The following POPDC3 variants were observed in gnomAD, a reference collection of about 807,000 sequenced individuals.
POPDC3 encodes the protein popeye domain-containing protein 3.
POPDC3 carries 20 observed loss-of-function variants against 28.2 expected under a neutral mutation model. The ratio of observed to expected loss-of-function variants is 0.71; its 90% CI spans 0.50 to 1.03. POPDC3 has a LOEUF of 1.03. Ranked by LOEUF, POPDC3 falls within the 50% of genes least tolerant of loss-of-function variation. The probability of loss-of-function intolerance (pLI) is 0.00; values close to 1 mark genes in which losing one functional copy is unlikely to be tolerated. For missense variants in POPDC3, 316 were observed against 345.9 expected, an observed-to-expected ratio of 0.91 and a Z score of 0.69; for synonymous variants, 118 against 124.1, an observed-to-expected ratio of 0.95 and a Z score of 0.33.
chr6:105,159,633 G>T, intron 3 of POPDC3, 78 bp downstream of exon 3: 1 of 801,836 alleles, frequency 1.2e-6, no homozygotes. Flanking sequence ...ATCCACTGTT[G>T]TTTATTTGTT....
chr6:105,176,402 C>CA (rs1316504093), intron 1 of POPDC3, among the ~76,000 whole-genome samples: 1 of 152,168 alleles, frequency 6.6e-6, no homozygotes, highest in Non-Finnish European at 1.5e-5. Flanking sequence ...CTGGCTATTA[C>CA]AAAAAATACA....
At position 105,179,418 on chromosome 6, in the gene POPDC3, T is replaced by G. The variant is rs187157989; in HGVS notation, c.-252+415A>C. ...CTGACAAGGGCCCCTAGGAACGGCTTTTCTCCCTTGCAAAACTGGCCTGTT... is the reference window on the plus strand; with the variant it reads ...CTGACAAGGGCCCCTAGGAACGGCTGTTCTCCCTTGCAAAACTGGCCTGTT... On this transcript the variant is annotated intron_variant, in intron 1 of 3. Transcript: ENST00000254765. Among the ~76,000 whole-genome samples the G allele has an allele frequency of 1.6e-3, 251 of 152,154 alleles. 2 individuals are homozygous for G. Among genetic ancestry groups the G allele is most frequent in the South Asian group, 2.1e-3 (10 of 4,822 alleles).
chr6:105,164,172 G>A (rs553368626), intron 1 of POPDC3, among the ~76,000 whole-genome samples: 2 of 152,250 alleles, frequency 1.3e-5, no homozygotes, highest in East Asian at 3.9e-4. Flanking sequence ...TTTGCTAGTG[G>A]AGCTCTGAAC....
intron 1 of POPDC3, among the ~76,000 whole-genome samples, chr6:105,171,043 G>A (rs1370863620): frequency 6.6e-6 from 1 of 152,190 alleles, no homozygotes; most frequent in Admixed American, 6.5e-5. Context: ...GTTCACAAGT[G>A]TGAAAGGATA....
At chr6:105,164,700 C>T (rs1352904082) in intron 1 of POPDC3, among the ~76,000 whole-genome samples, 3 of 152,166 alleles carry the variant, frequency 2.0e-5, no homozygotes, top group Admixed American at 6.5e-5. Flanking sequence ...TCATGTTTTG[C>T]GTAAATAAAT....
In POPDC3 at chr6:105,158,648, A is replaced by G; in HGVS notation, c.698T>C (p.Val233Ala). Residue 233 changes from valine (V) to alanine (A), a missense_variant, in exon 4 of 4, where the codon GTG becomes GCG. Transcript: ENST00000254765. ...QHRYISRLFS[V>A]LIGSDIADKL... is the part of the protein sequence containing the mutation. ...ATCTGCAATGTCACTGCCAATTAGCACTGAAAAAAGGCGGGAGATGTAGCG... is the reference window on the plus strand; with the variant it reads ...ATCTGCAATGTCACTGCCAATTAGCGCTGAAAAAAGGCGGGAGATGTAGCG... 1 of 1,614,160 alleles carries G rather than the reference A, an allele frequency of 6.2e-7. No individual in the cohort carries two copies. The highest frequency in any genetic ancestry group is 8.5e-7 in the Non-Finnish European group (1 of 1,180,016).
Position 105,161,969 on chromosome 6 carries a change from C to CT in POPDC3, c.-61dup. 1 of 1,527,586 alleles carries CT rather than the reference C, an allele frequency of 6.5e-7. No homozygotes were observed. Among genetic ancestry groups the CT allele is most frequent in the South Asian group, 1.3e-5 (1 of 74,880 alleles). 94.6% of individuals were successfully genotyped at this position (1,527,586 alleles called of 1,614,324 possible). On this transcript the variant is annotated 5_prime_UTR_variant, in exon 2 of 4. An upstream open reading frame in the 5' UTR loses its in-frame stop. Transcript: ENST00000254765. ...CTTTAGATGACACTGAAACAGGTAACTAAGTCCTTTGGTTCTCCATCATGA... is the reference window on the plus strand; with the variant it reads ...CTTTAGATGACACTGAAACAGGTAACTTAAGTCCTTTGGTTCTCCATCATGA...
At position 105,158,719 on chromosome 6, in the gene POPDC3, A is replaced by T. The variant is rs1411754262; in HGVS notation, c.627T>A (p.Tyr209Ter). Residue 209 changes from tyrosine to a stop codon, truncating the protein, a stop_gained, in exon 4 of 4, where the codon TAT becomes TAA. Transcript: ENST00000254765. LOFTEE classifies it high-confidence loss of function. ...ATAATTTCTTTCTCCTCCAAGACAC[A>T]TATCGACAATCAGTTTCTGCAGTGA... is the stretch of plus-strand genomic sequence containing the variant. ...VTLTAETDCRYVSWRRKKLYL... is the reference protein window; with the variant it reads ...VTLTAETDCR 2 of 1,613,492 alleles carry T rather than the reference A, an allele frequency of 1.2e-6. No individual in the cohort carries two copies. The highest frequency in any genetic ancestry group is 1.7e-6 in the Non-Finnish European group (2 of 1,179,536).
In POPDC3 at chr6:105,158,478, C is replaced by T; in HGVS notation, c.868G>A (p.Asp290Asn). ...QHFQNSRRYC[D>N]K ...AATTTCAGACTTTGATGTCATTTAT[C>T]ACAGTATCGTCTGGAATTCTGAAAA... The change falls in exon 4 of 4, where the codon GAT becomes AAT. Residue 290 changes from aspartate to asparagine, a missense_variant. Physicochemically the swap from Asp to Asn is conservative, Grantham distance 23. Transcript: ENST00000254765. 6.2e-7 allele frequency: 1 copy of T among 1,607,568 alleles called. No homozygotes were observed. Among genetic ancestry groups the T allele is most frequent in the South Asian group, 1.1e-5 (1 of 90,144 alleles).
chr6:105,168,721 T>C (rs1774511456), intron 1 of POPDC3: 1 of 152,172 alleles, frequency 6.6e-6, no homozygotes, highest in African/African-American at 2.4e-5. Context: ...ACTCTTATGA[T>C]TATGTTAAGT....
chr6:105,173,368 A>C (rs565556232), intron 1 of POPDC3, among the ~76,000 whole-genome samples: 2 of 152,180 alleles, frequency 1.3e-5, no homozygotes, highest in Non-Finnish European at 2.9e-5. Flanking sequence ...TCCTTCATGC[A>C]TTGTGACTTC....
In POPDC3 at chr6:105,161,965, G is replaced by GTAC; in HGVS notation, c.-57_-56insGTA. On this transcript the variant is annotated 5_prime_UTR_variant, in exon 2 of 4. Coordinates refer to ENST00000254765, the MANE Select transcript of POPDC3 (RefSeq NM_022361.5). ...TTGACTTTAGATGACACTGAAACAG[G>GTAC]TAACTAAGTCCTTTGGTTCTCCATC... The GTAC allele has an allele frequency of 6.5e-7, 1 of 1,529,644 alleles. No homozygotes were observed. Among genetic ancestry groups the GTAC allele is most frequent in the Non-Finnish European group, 8.7e-7 (1 of 1,143,318 alleles). The allele number at this position is 1,529,644 out of a possible 1,614,324, so 94.8% of individuals were successfully genotyped here. A position where few individuals can be genotyped will look rare whatever the true frequency, so the allele number is the denominator to read the frequency against.
intron 1 of POPDC3, among the ~76,000 whole-genome samples, chr6:105,167,994 T>C (rs984233546): frequency 3.9e-5 from 6 of 152,204 alleles, no homozygotes; most frequent in Non-Finnish European, 5.9e-5. Flanking sequence ...TATGCAAACA[T>C]TGCATATGTA....
chr6:105,158,672 C>T lies in POPDC3; in HGVS notation c.674G>A (p.Arg225His), dbSNP rs111547826. Residue 225 changes from arginine (R) to histidine (H), a missense_variant, in exon 4 of 4, where the codon CGC becomes CAC. Transcript: ENST00000254765. ...CACTGAAAAAAGGCGGGAGATGTAG[C>T]GATGCTGAGCAAAGAGCAGATATAA... ...KKLYLLFAQH[R>H]YISRLFSVLI... The T allele has an allele frequency of 8.1e-6, 13 of 1,614,056 alleles. No individual in the cohort carries two copies. Among genetic ancestry groups the T allele is most frequent in the Admixed American group, 6.7e-5 (4 of 60,016 alleles).
At chr6:105,164,556 T>C (rs1310068500) in intron 1 of POPDC3, among the ~76,000 whole-genome samples, 1 of 152,212 alleles carries the variant, frequency 6.6e-6, no homozygotes, top group Admixed American at 6.5e-5. Context: ...AGATATGCTT[T>C]ATTAGAAGTG....
chr6:105,178,898 A>G, intron 1 of POPDC3: 1 of 985,406 alleles, frequency 1.0e-6, no homozygotes. Flanking sequence ...TATAAAACTC[A>G]ATTGCAGTTT....
chr6:105,175,414 T>C (rs1014231372), intron 1 of POPDC3, among the ~76,000 whole-genome samples: 1 of 148,514 alleles, frequency 6.7e-6, no homozygotes, highest in East Asian at 2.0e-4. Context: ...GGTGCATGCC[T>C]GTAGTCCCAG....
At chr6:105,160,979 T>C (rs1774313657) in intron 2 of POPDC3, among the ~76,000 whole-genome samples, 1 of 152,178 alleles carries the variant, frequency 6.6e-6, no homozygotes. Context: ...CTGCTTCTCA[T>C]GGGCAATTGC....
At chr6:105,173,074 T>C (rs901882395) in intron 1 of POPDC3, among the ~76,000 whole-genome samples, 12 of 152,192 alleles carry the variant, frequency 7.9e-5, no homozygotes, top group Non-Finnish European at 1.0e-4. Flanking sequence ...TTTAAAGAAA[T>C]GCTACATTTT....
Sources: gnomAD v4.1 joint callset for allele counts (sites outside exome capture counted in the v4.1 genomes callset) on GRCh38, gnomAD v4.1.1 for gene constraint, MANE v1.5 for transcripts, NCBI Gene and HGNC (gene_info 2026-07-23, HGNC 2026-07-21) for gene names.